Variants in HLA-DPA1 observed in about 807,000 individuals in gnomAD.
HLA-DPA1 encodes the protein HLA class II histocompatibility antigen, DP alpha 1 chain.
Under a neutral mutation model 21.5 loss-of-function variants are expected in HLA-DPA1, and 20 were observed. The ratio of observed to expected loss-of-function variants is 0.93; its 90% CI spans 0.66 to 1.35. The LOEUF is 1.35. HLA-DPA1 is among the 40% of genes most tolerant of loss of function. The pLI is 0.00. For missense variants in HLA-DPA1, 279 were observed against 323.0 expected, an observed-to-expected ratio of 0.86 and a Z score of 1.05; for synonymous variants, 123 against 129.6, an observed-to-expected ratio of 0.95 and a Z score of 0.35.
intron 4 of HLA-DPA1, 58 bp from the exon 4 acceptor site, chr6:33,068,862 G>C: frequency 1.3e-6 from 2 of 1,583,318 alleles, no homozygotes; most frequent in South Asian, 1.1e-5. Context: ...TGATGGCCTG[G>C]GATGGTTGTG....
chr6:33,075,361 C>A (rs1465867849), intron 1 of HLA-DPA1, among the ~76,000 whole-genome samples: 1 of 152,142 alleles, frequency 6.6e-6, no homozygotes, highest in Non-Finnish European at 1.5e-5. Flanking sequence ...GGTGTGTCCA[C>A]GCTCCCAGTG....
At chr6:33,067,085 G>GT (rs1761993502) in intron 5 of HLA-DPA1, 1 of 152,162 alleles carries the variant, frequency 6.6e-6, no homozygotes, top group African/African-American at 2.4e-5. Flanking sequence ...AGGGATGCAG[G>GT]TCAGGCCCAC....
intron 1 of HLA-DPA1, among the ~76,000 whole-genome samples, chr6:33,074,590 T>C (rs1358027215): frequency 1.3e-5 from 2 of 152,252 alleles, no homozygotes; most frequent in South Asian, 2.1e-4. Flanking sequence ...GAAGTACATA[T>C]ATTACGTTAA....
chr6:33,078,480 G>A (rs2150369480), intron 1 of HLA-DPA1, among the ~76,000 whole-genome samples: 1 of 152,252 alleles, frequency 6.6e-6, no homozygotes, highest in Middle Eastern at 3.4e-3. Context: ...GAAAAGCTTG[G>A]CTGAGACAAC....
chr6:33,076,932 A>G (rs1762567093), intron 1 of HLA-DPA1, among the ~76,000 whole-genome samples: 3 of 151,916 alleles, frequency 2.0e-5, no homozygotes, highest in Non-Finnish European at 2.9e-5. Context: ...TTTTATATAT[A>G]TATATACTTT....
rs763185261 is a variant in HLA-DPA1, at chr6:33,073,476, A to T, written c.95T>A (p.Ile32Asn). 3 of 1,610,260 alleles carry T rather than the reference A, an allele frequency of 1.9e-6. No homozygotes were observed. The East Asian group carries it at 6.7e-5, about 36-fold the overall frequency. ...GCGTCCTCCTGAGCACTCACCCTTGATGGCCCCAGCTCCTCGGAGACTCAG... is the reference window on the plus strand; with the variant it reads ...GCGTCCTCCTGAGCACTCACCCTTGTTGGCCCCAGCTCCTCGGAGACTCAG... The change falls in exon 2 of 6, where the codon ATC (isoleucine) becomes AAC (asparagine). Residue 32 changes from isoleucine (I) to asparagine (N), a missense_variant. Ile to Asn is a moderately radical substitution (Grantham distance 149). Coordinates refer to ENST00000419277, the Ensembl canonical transcript of HLA-DPA1.
chr6:33,069,038 C>T, exon 4 of HLA-DPA1: 1 of 1,613,034 alleles, frequency 6.2e-7, no homozygotes, highest in East Asian at 2.2e-5. Flanking sequence ...TGAGGAGCGG[C>T]TGGTCCAAGC....
chr6:33,078,448 A>T (rs940548583), intron 1 of HLA-DPA1, among the ~76,000 whole-genome samples: 3 of 152,180 alleles, frequency 2.0e-5, no homozygotes, highest in Non-Finnish European at 2.9e-5. Context: ...GAGCCAGGCT[A>T]TAGCTTAAAG....
chr6:33,068,593 T>A, intron 5 of HLA-DPA1, 45 bp downstream of exon 4: 1 of 1,494,564 alleles, frequency 6.7e-7, no homozygotes, highest in East Asian at 2.3e-5. Context: ...TTTCCTCCCT[T>A]CCTTACATTC....
chr6:33,080,593 C>A lies in HLA-DPA1; in HGVS notation c.-100+87G>T. 1 of 1,588,954 alleles carries A rather than the reference C, an allele frequency of 6.3e-7. No individual in the cohort carries two copies. The highest frequency in any genetic ancestry group is 1.1e-5 in the South Asian group (1 of 90,248). On this transcript the variant is annotated intron_variant, in intron 1 of 5. Coordinates refer to ENST00000419277, the Ensembl canonical transcript of HLA-DPA1. This position sits in a 1 kb window ranked among gnomAD's most constrained non-coding sequence, Gnocchi z 4.3. ...CTGGGTGGGAAGATTTGGGAAGAAT[C>A]GTTAATATTGAGAGAGAGAGGGAGA... is the stretch of plus-strand genomic sequence containing the variant.
intron 1 of HLA-DPA1, among the ~76,000 whole-genome samples, chr6:33,076,778 G>A (rs1394687078): frequency 1.3e-5 from 2 of 152,078 alleles, no homozygotes; most frequent in South Asian, 2.1e-4. Flanking sequence ...TGCATGACAG[G>A]GATTGAGTGT....
intron 1 of HLA-DPA1, among the ~76,000 whole-genome samples, chr6:33,076,947 T>A (rs191765921): frequency 4.0e-4 from 61 of 152,200 alleles, no homozygotes; most frequent in African/African-American, 1.4e-3. Flanking sequence ...TACTTTAAGT[T>A]CTAGGGTACA....
intron 1 of HLA-DPA1, among the ~76,000 whole-genome samples, chr6:33,078,315 G>T (rs982180738): frequency 6.6e-6 from 1 of 152,124 alleles, no homozygotes. Flanking sequence ...CCTGCTGGAG[G>T]GAGAGCTGGA....
In HLA-DPA1 at chr6:33,069,212, T is replaced by TGGGAAGAAC; in HGVS notation, c.426_434dup (p.Phe143_Pro145dup). Reference sequence around the variant, plus strand: ...ACAGCCACGTGACGTTGAGCACTGGTGGGAAGAACTTGTCAATGTGGCAGA... The same window carrying TGGGAAGAAC: ...ACAGCCACGTGACGTTGAGCACTGGTGGGAAGAACGGGAAGAACTTGTCAATGTGGCAGA... On this transcript the variant is annotated inframe_insertion, in exon 4 of 6. Coordinates refer to ENST00000419277, the Ensembl canonical transcript of HLA-DPA1. The TGGGAAGAAC allele has an allele frequency of 4.3e-6, 7 of 1,612,822 alleles. No homozygotes were observed. The South Asian group carries it at 7.7e-5, about 18-fold the overall frequency.
chr6:33,080,504 C>T lies in HLA-DPA1; in HGVS notation c.-100+176G>A, dbSNP rs1267198693. The T allele has an allele frequency of 1.1e-6, 1 of 941,368 alleles. No individual in the cohort carries two copies. Among genetic ancestry groups the T allele is most frequent in the South Asian group, 1.4e-5 (1 of 71,184 alleles). The allele number at this position is 941,368 out of a possible 1,614,324, so 58.3% of individuals were successfully genotyped here. On this transcript the variant is annotated intron_variant, in intron 1 of 5. Coordinates refer to ENST00000419277, the Ensembl canonical transcript of HLA-DPA1. This position sits in a 1 kb window ranked among gnomAD's most constrained non-coding sequence, Gnocchi z 4.3. ...TGGTGAGAAAACAGGCCTGGAGAGG[C>T]TCTGCGACCCGCTTAGGACCACAGA...
Position 33,073,257 on chromosome 6 carries a change from A to T in HLA-DPA1, c.100+214T>A, listed in dbSNP as rs1431399. Among the ~76,000 whole-genome samples the T allele has an allele frequency of 1.4e-3, 215 of 152,244 alleles. 2 individuals are homozygous for T. In the East Asian group the frequency reaches 0.026, roughly 18 times the overall value. Reference sequence around the variant, plus strand: ...GAATGGAATATTATCTTCATTGAAGATTCCTGTGAGATGTAAATGGGGAAA... The same window carrying T: ...GAATGGAATATTATCTTCATTGAAGTTTCCTGTGAGATGTAAATGGGGAAA... On this transcript the variant is annotated intron_variant, in intron 2 of 5. Transcript: ENST00000419277.
At position 33,069,268 on chromosome 6, in the gene HLA-DPA1, G is replaced by C. The variant is rs41562016; in HGVS notation, c.379C>G (p.Pro127Ala). ...GTGTTGGGCTGGCCCAGCTCCACAG[G>C]CTCCTTGGGAAACACGGTCACCTCA... The change falls in exon 4 of 6, where the codon CCT becomes GCT. Residue 127 changes from proline to alanine, a missense_variant. Pro to Ala is a conservative substitution (Grantham distance 27, BLOSUM62 -1). Coordinates refer to ENST00000419277, the Ensembl canonical transcript of HLA-DPA1. 2,156 of 1,612,950 alleles carry C rather than the reference G, an allele frequency of 1.3e-3. 37 individuals carry two copies. The East Asian group carries it at 0.014, about 11-fold the overall frequency.
chr6:33,066,050 C>T (rs1277773584), intron 5 of HLA-DPA1: 1 of 152,232 alleles, frequency 6.6e-6, no homozygotes, highest in East Asian at 1.9e-4. Context: ...GCATCCCCTA[C>T]ATCACCCTAG....
intron 3 of HLA-DPA1, 111 bp from the exon 3 acceptor site, chr6:33,069,411 T>C: frequency 8.7e-7 from 1 of 1,154,960 alleles, no homozygotes; most frequent in Non-Finnish European, 1.2e-6. Context: ...ATGGCAGCTC[T>C]GAATCACAGA....
Sources: allele counts gnomAD v4.1 joint callset (sites outside exome capture counted in the v4.1 genomes callset), GRCh38; gene constraint gnomAD v4.1.1; non-coding constraint Gnocchi (gnomAD v3.1); transcripts MANE v1.5; gene names NCBI Gene and HGNC (gene_info 2026-07-23, HGNC 2026-07-21).